PRKG1: variants seen among roughly 807,000 people sequenced by gnomAD.
PRKG1 encodes the protein cGMP-dependent protein kinase 1.
PRKG1 carries 35 observed loss-of-function variants against 88.1 expected under a neutral mutation model. That is an observed-to-expected ratio of 0.40 (90% confidence interval 0.30 to 0.53). PRKG1 has a LOEUF of 0.53. Among genes scored for constraint, PRKG1 ranks in the 20% least tolerant of loss-of-function variants. The probability of loss-of-function intolerance (pLI) is 0.59; values close to 1 mark genes in which losing one functional copy is unlikely to be tolerated. For missense variants in PRKG1, 540 were observed against 839.8 expected (o/e 0.64, Z 4.41); for synonymous variants, 303 against 292.5 (o/e 1.04, Z -0.37).
At chr10:52,102,246 A>T (rs1847311135) in intron 7 of PRKG1, among the ~76,000 whole-genome samples, 1 of 152,084 alleles carries the variant, frequency 6.6e-6, no homozygotes. Context: ...CCATGAGTTC[A>T]ACATTAAAGG....
rs184733761 is a variant in PRKG1, at chr10:52,009,232, C to T, written c.763-45252C>T. ...AAATAGAAAGAGAGGAAGTCAAATT[C>T]TTCCTATTTACAGATGATGTGATTC... On this transcript the variant is annotated intron_variant, in intron 5 of 17. Coordinates refer to ENST00000373980, the MANE Select transcript of PRKG1 (RefSeq NM_006258.4). Among the ~76,000 whole-genome samples the T allele has an allele frequency of 5.9e-5, 9 of 152,226 alleles. No homozygotes were observed. In the East Asian group the frequency reaches 1.7e-3, roughly 29 times the overall value.
intron 3 of PRKG1, among the ~76,000 whole-genome samples, chr10:51,744,297 C>T (rs1837521997): frequency 6.6e-6 from 1 of 152,148 alleles, no homozygotes; most frequent in Admixed American, 6.5e-5. Flanking sequence ...GGTCATGAAG[C>T]ACCAAAGCAG....
intron 3 of PRKG1, among the ~76,000 whole-genome samples, chr10:51,580,950 G>A (rs1333575787): frequency 6.6e-6 from 1 of 152,068 alleles, no homozygotes; most frequent in Non-Finnish European, 1.5e-5. Flanking sequence ...TTGTTCCCAG[G>A]TGGATCAGCA....
Position 52,296,533 on chromosome 10 carries a change from A to C in PRKG1, c.*2633A>C, listed in dbSNP as rs1842387109. 6.6e-6 allele frequency: 1 copy of C among 152,094 alleles called. No homozygotes were observed. The highest frequency in any genetic ancestry group is 1.5e-5 in the Non-Finnish European group (1 of 67,938). 9.4% of individuals were successfully genotyped at this position (152,094 alleles called of 1,614,324 possible). The stretch of plus-strand genomic sequence containing the variant: ...AGGGCTAAAATTCATGGTCAGTTCC[A>C]TAAAATGCATCTCACTTTATTTCTG... On this transcript the variant is annotated 3_prime_UTR_variant, in exon 18 of 18. Coordinates refer to ENST00000373980, the MANE Select transcript of PRKG1 (RefSeq NM_006258.4).
intron 5 of PRKG1, among the ~76,000 whole-genome samples, chr10:51,957,235 TA>T (rs1843334074): frequency 3.0e-5 from 4 of 134,808 alleles, no homozygotes; most frequent in East Asian, 2.6e-4. Context: ...TCTCTTTCTC[TA>T]CTTCTCTCTT....
At chr10:51,720,507 A>G (rs1435060454) in intron 3 of PRKG1, among the ~76,000 whole-genome samples, 2 of 152,224 alleles carry the variant, frequency 1.3e-5, no homozygotes, top group Non-Finnish European at 2.9e-5. Flanking sequence ...ACTCTCAACA[A>G]TATTCCTATG....
intron 5 of PRKG1, among the ~76,000 whole-genome samples, chr10:51,959,920 TATAAA>T (rs1843404705): frequency 6.6e-6 from 1 of 152,118 alleles, no homozygotes; most frequent in Non-Finnish European, 1.5e-5. Context: ...TCACATTAAG[TATAAA>T]CAGAGCTATC....
rs757059653 is a variant in PRKG1, at chr10:52,282,333, G to A, written c.1709+17G>A. 20 of 1,565,170 alleles carry A rather than the reference G, an allele frequency of 1.3e-5. No individual in the cohort carries two copies. The highest frequency in any genetic ancestry group is 4.1e-5 in the African/African-American group (3 of 73,210). ...GACTGGCAGGTATGGATATTGATAG[G>A]GAACTGCTGATAAAAATAGACCAGC... On this transcript the variant is annotated intron_variant, in intron 14 of 17. Transcript: ENST00000373980.
chr10:52,081,023 A>C (rs1846759746), intron 7 of PRKG1, among the ~76,000 whole-genome samples: 1 of 152,162 alleles, frequency 6.6e-6, no homozygotes, highest in South Asian at 2.1e-4. Context: ...CCCTGTGTTC[A>C]GTCCGGCTTC....
intron 3 of PRKG1, among the ~76,000 whole-genome samples, chr10:51,792,802 T>G (rs1441547401): frequency 6.6e-6 from 1 of 152,108 alleles, no homozygotes; most frequent in African/African-American, 2.4e-5. Flanking sequence ...TAAAGATTAC[T>G]TCTTCAACAC....
At chr10:52,166,702 C>A (rs12774024) in intron 9 of PRKG1, among the ~76,000 whole-genome samples, 64,465 of 145,966 alleles carry the variant, frequency 0.44, 17,253 homozygotes, top group Admixed American at 0.61. Flanking sequence ...ATATTTCTGA[C>A]GTGTATAGCT....
intron 3 of PRKG1, among the ~76,000 whole-genome samples, chr10:51,588,808 T>C (rs550339102): frequency 6.6e-6 from 1 of 152,274 alleles, no homozygotes; most frequent in Non-Finnish European, 1.5e-5. Flanking sequence ...TAAACAAATA[T>C]AGCTTGAGCT....
intron 2 of PRKG1, among the ~76,000 whole-genome samples, chr10:51,417,545 G>A (rs950217840): frequency 6.6e-6 from 1 of 152,146 alleles, no homozygotes; most frequent in Admixed American, 6.6e-5. Context: ...TGTGATTAAG[G>A]TCATAAAATG....
chr10:51,822,480 A>T (rs1208972266), intron 4 of PRKG1, among the ~76,000 whole-genome samples: 1 of 152,108 alleles, frequency 6.6e-6, no homozygotes, highest in Non-Finnish European at 1.5e-5. Context: ...AGGTAAGAGA[A>T]ACGTAGATAG....
chr10:51,768,263 G>A (rs1838219785), intron 3 of PRKG1, among the ~76,000 whole-genome samples: 1 of 152,048 alleles, frequency 6.6e-6, no homozygotes, highest in South Asian at 2.1e-4. Context: ...ATTTAGTTAG[G>A]AAGATTTTTA....
chr10:51,824,370 T>C (rs563787672), intron 4 of PRKG1, among the ~76,000 whole-genome samples: 106 of 151,724 alleles, frequency 7.0e-4, no homozygotes, highest in African/African-American at 2.4e-3. Context: ...GGAAATACAG[T>C]ATGCATTTTC....
chr10:52,282,370 C>T (rs775394482), intron 14 of PRKG1, 54 bp downstream of exon 14: 2 of 1,477,626 alleles, frequency 1.4e-6, no homozygotes, highest in Non-Finnish European at 1.8e-6. Context: ...TGCAGCTACA[C>T]ACTCCTGCTT....
chr10:51,500,232 G>A (rs897198116), intron 3 of PRKG1, among the ~76,000 whole-genome samples: 4 of 152,162 alleles, frequency 2.6e-5, no homozygotes, highest in African/African-American at 9.7e-5. Context: ...GGATTTGAAT[G>A]AAGATCGACA....
chr10:51,627,954 C>CTT (rs1189835155), intron 3 of PRKG1, among the ~76,000 whole-genome samples: 2 of 15,574 alleles, frequency 1.3e-4, no homozygotes, highest in Non-Finnish European at 3.8e-4. Context: ...TTCTTTCTTT[C>CTT]TTTCTTTCTT....
Sources: allele counts gnomAD v4.1 joint callset (sites outside exome capture counted in the v4.1 genomes callset), GRCh38; gene constraint gnomAD v4.1.1; transcripts MANE v1.5; gene names NCBI Gene and HGNC (gene_info 2026-07-23, HGNC 2026-07-21).